The following CADM2 variants were observed in gnomAD, a reference collection of about 807,000 sequenced individuals.
CADM2 encodes immunoglobulin superfamily member 4D.
CADM2 carries 12 observed loss-of-function variants against 49.8 expected under a neutral mutation model. The observed-to-expected ratio is 0.24, with a 90% CI of 0.15 to 0.39. The LOEUF (loss-of-function observed/expected upper bound fraction) is 0.39, where lower values mean the gene tolerates loss of function less well. Ranked by LOEUF, CADM2 falls within the 10% of genes least tolerant of loss-of-function variation. The probability of loss-of-function intolerance (pLI) is 1.00; values close to 1 mark genes in which losing one functional copy is unlikely to be tolerated. For synonymous variants in CADM2, 214 were observed against 175.4 expected, an observed-to-expected ratio of 1.22 and a Z score of -1.74; for missense variants, 378 against 492.3, an observed-to-expected ratio of 0.77 and a Z score of 2.20.
chr3:85,619,582 G>A (rs2063908628), intron 1 of CADM2, among the ~76,000 whole-genome samples: 1 of 152,018 alleles, frequency 6.6e-6, no homozygotes, highest in South Asian at 2.1e-4. Flanking sequence ...CTCTCTGATG[G>A]AAATACATGG....
At chr3:86,060,981 C>CAAG (rs1553731754) in intron 8 of CADM2, among the ~76,000 whole-genome samples, 3 of 147,942 alleles carry the variant, frequency 2.0e-5, no homozygotes, top group Non-Finnish European at 4.5e-5. Context: ...GGCTATGTCT[C>CAAG]AATAATAATA....
chr3:85,577,170 T>G (rs977283040), intron 1 of CADM2, among the ~76,000 whole-genome samples: 1 of 152,204 alleles, frequency 6.6e-6, no homozygotes, highest in African/African-American at 2.4e-5. Flanking sequence ...CATTCACCAT[T>G]CATAAATTAC....
intron 1 of CADM2, among the ~76,000 whole-genome samples, chr3:85,597,245 A>G (rs2063271218): frequency 6.6e-6 from 1 of 152,062 alleles, no homozygotes; most frequent in Non-Finnish European, 1.5e-5. Flanking sequence ...AGAAGCTTAT[A>G]CAACTCTCAA....
intron 1 of CADM2, among the ~76,000 whole-genome samples, chr3:85,206,435 G>A (rs1027627286): frequency 2.0e-5 from 3 of 151,450 alleles, no homozygotes; most frequent in Non-Finnish European, 4.4e-5. Context: ...AGCCTCCCGA[G>A]TAGCTGGGAC....
chr3:85,877,824 T>A (rs997933945), intron 3 of CADM2, among the ~76,000 whole-genome samples: 1 of 152,008 alleles, frequency 6.6e-6, no homozygotes, highest in Admixed American at 6.6e-5. Context: ...GCTCTCAGTT[T>A]CAATTCAATA....
intron 1 of CADM2, among the ~76,000 whole-genome samples, chr3:85,466,876 T>C (rs1027032375): frequency 6.6e-6 from 1 of 152,120 alleles, no homozygotes; most frequent in Non-Finnish European, 1.5e-5. Flanking sequence ...AAAGAGAAAT[T>C]GCTTTTACTT....
intron 1 of CADM2, among the ~76,000 whole-genome samples, chr3:85,467,240 T>C (rs2038536789): frequency 6.6e-6 from 1 of 152,200 alleles, no homozygotes; most frequent in Admixed American, 6.5e-5. Flanking sequence ...ACATAACTTG[T>C]CATTTAATGT....
intron 8 of CADM2, among the ~76,000 whole-genome samples, chr3:86,049,226 A>G (rs908729638): frequency 6.6e-6 from 1 of 151,968 alleles, no homozygotes; most frequent in African/African-American, 2.4e-5. Flanking sequence ...ACATTGCTAT[A>G]CAGAAAGACC....
intron 1 of CADM2, among the ~76,000 whole-genome samples, chr3:85,244,995 G>A (rs1430635331): frequency 6.6e-6 from 1 of 152,086 alleles, no homozygotes. Flanking sequence ...CTGCAATACA[G>A]TATTACTCTC....
At chr3:85,919,919 T>C (rs34553213) in intron 6 of CADM2, among the ~76,000 whole-genome samples, 25,914 of 151,890 alleles carry the variant, frequency 0.17, 2,248 homozygotes, top group East Asian at 0.2. Context: ...CAGTTGTTCG[T>C]ATCTTCTTTT....
intron 1 of CADM2, among the ~76,000 whole-genome samples, chr3:85,117,124 G>A (rs2038666893): frequency 6.6e-6 from 1 of 152,100 alleles, no homozygotes; most frequent in South Asian, 2.1e-4. Context: ...GGAAGGCTGA[G>A]GCAGGAAGAT....
At chr3:85,578,728 A>G (rs142140899) in intron 1 of CADM2, among the ~76,000 whole-genome samples, 22 of 152,324 alleles carry the variant, frequency 1.4e-4, no homozygotes, top group African/African-American at 4.8e-4. Context: ...CTATGAATTT[A>G]AATTTCAATT....
chr3:85,177,120 A>G (rs2040806319), intron 1 of CADM2, among the ~76,000 whole-genome samples: 1 of 152,142 alleles, frequency 6.6e-6, no homozygotes, highest in African/African-American at 2.4e-5. Flanking sequence ...TATAACATGA[A>G]TATTTGTTCA....
At chr3:85,559,133 T>A (rs770224703) in intron 1 of CADM2, among the ~76,000 whole-genome samples, 4 of 152,142 alleles carry the variant, frequency 2.6e-5, no homozygotes, top group Non-Finnish European at 5.9e-5. Context: ...ACTCTCCATT[T>A]ATTTAATTAT....
At chr3:85,610,970 A>G in intron 1 of CADM2, among the ~76,000 whole-genome samples, 1 of 151,926 alleles carries the variant, frequency 6.6e-6, no homozygotes, top group East Asian at 1.9e-4. Context: ...ACATCAGTGG[A>G]GGACAGATTA....
At chr3:85,698,582 G>A (rs1324259774) in intron 1 of CADM2, among the ~76,000 whole-genome samples, 1 of 152,106 alleles carries the variant, frequency 6.6e-6, no homozygotes, top group Non-Finnish European at 1.5e-5. Flanking sequence ...GGTGGGGCAG[G>A]AGAAGGAGAG....
At chr3:85,518,024 T>C (rs2060944130) in intron 1 of CADM2, among the ~76,000 whole-genome samples, 1 of 152,176 alleles carries the variant, frequency 6.6e-6, no homozygotes, top group Non-Finnish European at 1.5e-5. Context: ...TTTTTGTGTG[T>C]GTGACAGAGT....
intron 1 of CADM2, among the ~76,000 whole-genome samples, chr3:85,177,956 T>C (rs1262539780): frequency 6.6e-6 from 1 of 151,986 alleles, no homozygotes; most frequent in Admixed American, 6.5e-5. Flanking sequence ...TGTACTTACA[T>C]ACAAAGTTTT....
chr3:85,248,927 A>C (rs2042713375), intron 1 of CADM2, among the ~76,000 whole-genome samples: 1 of 152,286 alleles, frequency 6.6e-6, no homozygotes, highest in Non-Finnish European at 1.5e-5. Flanking sequence ...TGGATAAATG[A>C]ACAATGAAAT....
Sources: gnomAD v4.1 joint callset for allele counts (sites outside exome capture counted in the v4.1 genomes callset) on GRCh38, gnomAD v4.1.1 for gene constraint, MANE v1.5 for transcripts, NCBI Gene and HGNC (gene_info 2026-07-23, HGNC 2026-07-21) for gene names.